PRPF19: variants seen among roughly 807,000 people sequenced by gnomAD.
PRPF19 encodes pre-mRNA processing factor 19, also known as pre-mRNA-processing factor 19.
In PRPF19, 2 loss-of-function variants were observed where a neutral mutation model predicts 64.2. The ratio of observed to expected loss-of-function variants is 0.03; its 90% CI spans 0.01 to 0.10. PRPF19 has a LOEUF of 0.10. Among genes scored for constraint, PRPF19 ranks in the 10% least tolerant of loss-of-function variants. PRPF19 has a pLI of 1.00. For missense variants in PRPF19, 314 were observed against 650.0 expected, an observed-to-expected ratio of 0.48 and a Z score of 5.62; for synonymous variants, 226 against 251.6, an observed-to-expected ratio of 0.90 and a Z score of 0.96.
chr11:60,898,339 A>G lies in PRPF19; in HGVS notation c.1141-68T>C. 1.3e-6 allele frequency: 2 copies of G among 1,570,324 alleles called. No homozygotes were observed. Among genetic ancestry groups the G allele is most frequent in the Non-Finnish European group, 1.7e-6 (2 of 1,156,896 alleles). ...TGAGAGGAAGAAAATGGGGCTCACCAAACTCCTACCTGAGATGTCCCTCAC... is the reference window on the plus strand; with the variant it reads ...TGAGAGGAAGAAAATGGGGCTCACCGAACTCCTACCTGAGATGTCCCTCAC... On this transcript the variant is annotated intron_variant, in intron 13 of 15. Coordinates refer to ENST00000227524, the MANE Select transcript of PRPF19 (RefSeq NM_014502.5). The surrounding 1 kb of genome is among the most constrained non-coding windows in gnomAD (Gnocchi z 4.6).
intron 15 of PRPF19, among the ~76,000 whole-genome samples, chr11:60,893,927 AT>A (rs771314099): frequency 1.3e-5 from 2 of 152,248 alleles, no homozygotes; most frequent in South Asian, 4.1e-4. Context: ...TCAAAAAAAA[AT>A]GTTATGTTTA....
Position 60,891,067 on chromosome 11 carries a change from AGC to A in PRPF19, c.*97_*98del. On this transcript the variant is annotated 3_prime_UTR_variant, in exon 16 of 16. Transcript: ENST00000227524. ...ATGATGTGAATGTCCCACCCCACAG[AGC>A]CCCCTCCCCCCATAGATTCCCCCCA... 3.6e-6 allele frequency: 1 copy of A among 275,290 alleles called. No individual in the cohort carries two copies. The highest frequency in any genetic ancestry group is 7.0e-6 in the Non-Finnish European group (1 of 142,726). 17.1% of individuals were successfully genotyped at this position (275,290 alleles called of 1,614,324 possible).
In PRPF19 at chr11:60,901,552, C is replaced by G; in HGVS notation, c.526-12G>C. The G allele has an allele frequency of 6.2e-7, 1 of 1,614,124 alleles. No homozygotes were observed. ...GCTTTGTCTTGAAGCTGGGGAAGAA[C>G]AGGCTCAATGTGAGACAAATCATCT... On this transcript the variant is annotated splice_polypyrimidine_tract_variant and intron_variant, in intron 6 of 15. Coordinates refer to ENST00000227524, the MANE Select transcript of PRPF19 (RefSeq NM_014502.5).
At chr11:60,891,415 G>A in intron 15 of PRPF19, 152 bp from the exon 16 acceptor site, 1 of 620,704 alleles carries the variant, frequency 1.6e-6, no homozygotes, top group Non-Finnish European at 2.9e-6. Context: ...AGGCTGACCT[G>A]CACACTACCC....
intron 1 of PRPF19, among the ~76,000 whole-genome samples, chr11:60,905,209 T>TTACA (rs1487172763): frequency 1.3e-5 from 2 of 152,172 alleles, no homozygotes; most frequent in Non-Finnish European, 2.9e-5. Context: ...AGGATAAGGA[T>TTACA]TACAGCTGGT....
At chr11:60,900,488 T>C in intron 10 of PRPF19, 94 bp downstream of exon 10, 2 of 1,067,800 alleles carry the variant, frequency 1.9e-6, no homozygotes, top group African/African-American at 1.6e-5. Context: ...GTCAGAGCTC[T>C]TTCCCAGCCC....
chr11:60,898,392 A>AC lies in PRPF19; in HGVS notation c.1141-122dup, dbSNP rs1855944774. 9.3e-6 allele frequency: 14 copies of AC among 1,504,908 alleles called. No individual in the cohort carries two copies. In the Admixed American group the frequency reaches 1.1e-4, roughly 11 times the overall value. 93.2% of individuals were successfully genotyped at this position (1,504,908 alleles called of 1,614,324 possible). ...CCTTCCAGGAAGGACAGCCAGCGGG[A>AC]CCCCCCAGACCACACCATCATATCA... On this transcript the variant is annotated intron_variant, in intron 13 of 15. Transcript: ENST00000227524. The surrounding 1 kb of genome is among the most constrained non-coding windows in gnomAD (Gnocchi z 4.6).
At chr11:60,901,462 G>A (rs1373721667) in intron 7 of PRPF19, 37 bp downstream of exon 7, 21 of 1,613,992 alleles carry the variant, frequency 1.3e-5, no homozygotes, top group African/African-American at 2.7e-5. Context: ...CTCCCACCAG[G>A]CCAGCTCTTT....
At chr11:60,894,061 T>C (rs529181359) in intron 15 of PRPF19, among the ~76,000 whole-genome samples, 1 of 152,378 alleles carries the variant, frequency 6.6e-6, no homozygotes, top group East Asian at 1.9e-4. Context: ...CAGTGAGTTG[T>C]CATCTTTTTC....
Position 60,902,573 on chromosome 11 carries a change from G to T in PRPF19, c.462+10C>A. The T allele has an allele frequency of 6.2e-7, 1 of 1,611,730 alleles. No individual in the cohort carries two copies. The highest frequency in any genetic ancestry group is 2.2e-5 in the East Asian group (1 of 44,864). The stretch of plus-strand genomic sequence containing the variant: ...AAATGGGCTGCTGGTAAGGGAAGGG[G>T]GACACTTACCACAACACTTGGTTGG... On this transcript the variant is annotated intron_variant, in intron 5 of 15. Coordinates refer to ENST00000227524, the MANE Select transcript of PRPF19 (RefSeq NM_014502.5). The surrounding 1 kb of genome is among the most constrained non-coding windows in gnomAD (Gnocchi z 5.0).
chr11:60,891,098 C>A lies in PRPF19; in HGVS notation c.*68G>T, dbSNP rs1265411315. The A allele has an allele frequency of 1.9e-4, 72 of 376,132 alleles. No individual in the cohort carries two copies. The highest frequency in any genetic ancestry group is 9.0e-4 in the South Asian group (44 of 48,762). 23.3% of individuals were successfully genotyped at this position (376,132 alleles called of 1,614,324 possible). A position where few individuals can be genotyped will look rare whatever the true frequency, so the allele number is the denominator to read the frequency against. On this transcript the variant is annotated 3_prime_UTR_variant, in exon 16 of 16. Coordinates refer to ENST00000227524, the MANE Select transcript of PRPF19 (RefSeq NM_014502.5). ...CTCCCCCCATAGATTCCCCCCACCC[C>A]CCCCCCCAAACCCTAATTCTACCCC...
intron 8 of PRPF19, 136 bp downstream of exon 8, chr11:60,901,159 C>T: frequency 9.3e-7 from 1 of 1,070,818 alleles, no homozygotes; most frequent in Non-Finnish European, 1.3e-6. Context: ...CTCAGCAGCC[C>T]AGGCGAGAAA....
At chr11:60,894,074 A>C (rs1429129910) in intron 15 of PRPF19, among the ~76,000 whole-genome samples, 1 of 152,248 alleles carries the variant, frequency 6.6e-6, no homozygotes, top group African/African-American at 2.4e-5. Context: ...TCTTTTTCCA[A>C]GACCCACCAG....
At position 60,906,555 on chromosome 11, in the gene PRPF19, G is replaced by A. The variant is rs1856051508; in HGVS notation, c.-173C>T. On this transcript the variant is annotated 5_prime_UTR_variant, in exon 1 of 16. Transcript: ENST00000227524. ...TTCACGTGGGAATGGGGACAGCCGCGCGCCACAGCCTTCAGCACCTAACGG... is the reference window on the plus strand; with the variant it reads ...TTCACGTGGGAATGGGGACAGCCGCACGCCACAGCCTTCAGCACCTAACGG... The A allele has an allele frequency of 1.5e-6, 1 of 651,774 alleles. No individual in the cohort carries two copies. 40.4% of individuals were successfully genotyped at this position (651,774 alleles called of 1,614,324 possible).
chr11:60,899,608 T>C (rs1489115207), intron 10 of PRPF19, among the ~76,000 whole-genome samples: 4 of 152,312 alleles, frequency 2.6e-5, no homozygotes, highest in East Asian at 1.9e-4. Flanking sequence ...ATGTAGCTAG[T>C]ACAATTGAGG....
chr11:60,898,923 A>G lies in PRPF19; in HGVS notation c.993T>C (p.Ala331=), dbSNP rs1015170690. The part of the protein sequence containing the change: ...LLSSSDDQYW[A]FSDIQTGRVL... ...CACGCCCTGTCTGGATGTCAGAGAA[A>G]GCCCAGTACTGGGGAAAAAAAAAGA... The change falls in exon 12 of 16, where the codon GCT becomes GCC. Residue 331 remains alanine, a synonymous_variant. Transcript: ENST00000227524. The surrounding 1 kb of genome is among the most constrained non-coding windows in gnomAD (Gnocchi z 4.6). 1.9e-6 allele frequency: 3 copies of G among 1,598,772 alleles called. No individual in the cohort carries two copies. The highest frequency in any genetic ancestry group is 3.5e-5 in the Admixed American group (2 of 57,912).
intron 8 of PRPF19, 66 bp downstream of exon 8, chr11:60,901,229 G>T: frequency 6.5e-7 from 1 of 1,549,530 alleles, no homozygotes; most frequent in Non-Finnish European, 8.9e-7. Flanking sequence ...TCCCCATGCT[G>T]GCCCGCCCAC....
intron 3 of PRPF19, among the ~76,000 whole-genome samples, 174 bp from the exon 4 acceptor site, chr11:60,903,055 C>A (rs1704847455): frequency 6.6e-6 from 1 of 152,240 alleles, no homozygotes; most frequent in Admixed American, 6.5e-5. Flanking sequence ...TGAGCTCCTA[C>A]CCCAAGCGAA....
intron 1 of PRPF19, among the ~76,000 whole-genome samples, chr11:60,905,769 G>C (rs1435065195): frequency 6.6e-6 from 1 of 152,226 alleles, no homozygotes; most frequent in Non-Finnish European, 1.5e-5. Flanking sequence ...CATAGACTTG[G>C]AAGCGCGTTG....
Sources: allele counts gnomAD v4.1 joint callset (sites outside exome capture counted in the v4.1 genomes callset), GRCh38; gene constraint gnomAD v4.1.1; non-coding constraint Gnocchi (gnomAD v3.1); transcripts MANE v1.5; gene names NCBI Gene and HGNC (gene_info 2026-07-23, HGNC 2026-07-21).